The following CSNK2A1 variants were observed in gnomAD, a reference collection of about 807,000 sequenced individuals.
The protein encoded by CSNK2A1 is casein kinase 2 alpha 1.
Under a neutral mutation model 62.9 loss-of-function variants are expected in CSNK2A1, and 10 were observed. The observed-to-expected ratio is 0.16, with a 90% CI of 0.10 to 0.27. The LOEUF (loss-of-function observed/expected upper bound fraction) is 0.27. CSNK2A1 is among the 10% of genes least tolerant of loss of function. CSNK2A1 has a pLI of 1.00. For synonymous variants in CSNK2A1, 124 were observed against 167.8 expected, an observed-to-expected ratio of 0.74 and a Z score of 2.02; for missense variants, 160 against 492.0, an observed-to-expected ratio of 0.33 and a Z score of 6.38.
chr20:504,110 C>T (rs189975), intron 4 of CSNK2A1: 48,224 of 152,544 alleles, frequency 0.32, 8,254 homozygotes, highest in East Asian at 0.67. Flanking sequence ...ACCCAGGAGG[C>T]GGAGGTTGCA....
chr20:527,019 G>GAGAC (rs1568559268), intron 2 of CSNK2A1: 18 of 150,166 alleles, frequency 1.2e-4, no homozygotes, highest in African/African-American at 4.4e-4. Flanking sequence ...GAGAGAGAGA[G>GAGAC]AGAGAGAGAG....
At chr20:524,941 A>G (rs1021764757) in intron 2 of CSNK2A1, among the ~76,000 whole-genome samples, 1 of 149,360 alleles carries the variant, frequency 6.7e-6, no homozygotes, top group African/African-American at 2.5e-5. Context: ...CAGCAAGACT[A>G]CCATCTCTAC....
intron 3 of CSNK2A1, chr20:506,625 CCTA>C (rs1166823463): frequency 6.6e-6 from 1 of 152,100 alleles, no homozygotes; most frequent in Non-Finnish European, 1.5e-5. Flanking sequence ...ATCCTCTGGA[CCTA>C]CTAAGTATCC....
Position 487,420 on chromosome 20 carries a change from G to C in CSNK2A1, c.973+7C>G, listed in dbSNP as rs371306731. On this transcript the variant is annotated splice_region_variant and intron_variant, in intron 12 of 13. Coordinates refer to ENST00000217244, the MANE Select transcript of CSNK2A1 (RefSeq NM_177559.3). ...ACAAACTCTGTGGGCTAGATATCTGGACTCACAGAAATAGGGGTGCTCCAT... is the reference window on the plus strand; with the variant it reads ...ACAAACTCTGTGGGCTAGATATCTGCACTCACAGAAATAGGGGTGCTCCAT... 7 of 1,613,374 alleles carry C rather than the reference G, an allele frequency of 4.3e-6. No homozygotes were observed. In the African/African-American group the frequency reaches 9.3e-5, roughly 22 times the overall value.
chr20:484,841 C>G (rs150679386), intron 13 of CSNK2A1, among the ~76,000 whole-genome samples: 1 of 151,110 alleles, frequency 6.6e-6, no homozygotes. Flanking sequence ...CCAAGTTGGG[C>G]GGATCACCTG....
At position 480,163 on chromosome 20, in the gene CSNK2A1, T is replaced by C. The variant is rs940565556; in HGVS notation, c.*3798A>G. On this transcript the variant is annotated 3_prime_UTR_variant, in exon 14 of 14. Transcript: ENST00000217244. ...CAGTCTGGCCTGTGGCTTGTAATTA[T>C]AGCTGCAAACTCAAGGGCAAAGTTC... The C allele has an allele frequency of 1.3e-5, 2 of 152,180 alleles. No homozygotes were observed. The allele number at this position is 152,180 out of a possible 1,614,324, so 9.4% of individuals were successfully genotyped here. A position where few individuals can be genotyped will look rare whatever the true frequency, so the allele number is the denominator to read the frequency against.
At chr20:494,130 C>CA (rs1252831869) in intron 8 of CSNK2A1, 3 of 151,474 alleles carry the variant, frequency 2.0e-5, no homozygotes, top group African/African-American at 7.3e-5. Context: ...GGGGTTCAAG[C>CA]AATTCTCCTG....
At chr20:537,725 A>G (rs2019365267) in intron 1 of CSNK2A1, among the ~76,000 whole-genome samples, 1 of 152,206 alleles carries the variant, frequency 6.6e-6, no homozygotes, top group Non-Finnish European at 1.5e-5. Flanking sequence ...CAGGTATAAG[A>G]ACACATTAAT....
chr20:485,227 A>G (rs1600367609), intron 13 of CSNK2A1, among the ~76,000 whole-genome samples: 1 of 147,458 alleles, frequency 6.8e-6, no homozygotes, highest in South Asian at 2.2e-4. Flanking sequence ...ACTCTCACCC[A>G]GGCTGGAGGG....
At chr20:503,394 C>CTAGT (rs2018509696) in intron 4 of CSNK2A1, 1 of 398,138 alleles carries the variant, frequency 2.5e-6, no homozygotes, top group Non-Finnish European at 4.4e-6. Flanking sequence ...GATTTCCAAC[C>CTAGT]TAGTTCTCTT....
At chr20:516,028 G>GA (rs1013882892) in intron 2 of CSNK2A1, among the ~76,000 whole-genome samples, 2 of 152,092 alleles carry the variant, frequency 1.3e-5, no homozygotes, top group Non-Finnish European at 2.9e-5. Context: ...GAATACTGAA[G>GA]AAACTTGATT....
At position 476,136 on chromosome 20, in the gene CSNK2A1, A is replaced by C. The variant is rs1047535939; in HGVS notation, c.*7825T>G. 4 of 152,454 alleles carry C rather than the reference A, an allele frequency of 2.6e-5. No homozygotes were observed. The highest frequency in any genetic ancestry group is 1.3e-4 in the Admixed American group (2 of 15,294). 9.4% of individuals were successfully genotyped at this position (152,454 alleles called of 1,614,324 possible). On this transcript the variant is annotated 3_prime_UTR_variant, in exon 14 of 14. Transcript: ENST00000217244. ...AGGAGACAGGGTTCTGATCCCAGGC[A>C]TGGGCCTTGGCAGCTGAAACTTGTT...
chr20:499,221 C>T lies in CSNK2A1; in HGVS notation c.366+34G>A, dbSNP rs2018407912. ...CCCAAAGGCTATGTGGTCTAAAAACCCACTAGCCCGAAACAGTTGGTTATA... is the reference window on the plus strand; with the variant it reads ...CCCAAAGGCTATGTGGTCTAAAAACTCACTAGCCCGAAACAGTTGGTTATA... On this transcript the variant is annotated intron_variant, in intron 6 of 13. Coordinates refer to ENST00000217244, the MANE Select transcript of CSNK2A1 (RefSeq NM_177559.3). This position sits in a 1 kb window ranked among gnomAD's most constrained non-coding sequence, Gnocchi z 4.2. 1 of 1,552,340 alleles carries T rather than the reference C, an allele frequency of 6.4e-7. No homozygotes were observed. Among genetic ancestry groups the T allele is most frequent in the Non-Finnish European group, 8.7e-7 (1 of 1,147,142 alleles).
Position 481,617 on chromosome 20 carries a change from T to C in CSNK2A1, c.*2344A>G, listed in dbSNP as rs1000058052. The C allele has an allele frequency of 3.3e-5, 5 of 151,916 alleles. No individual in the cohort carries two copies. Among genetic ancestry groups the C allele is most frequent in the Non-Finnish European group, 7.4e-5 (5 of 67,992 alleles). The allele number at this position is 151,916 out of a possible 1,614,324, so 9.4% of individuals were successfully genotyped here. A position where few individuals can be genotyped will look rare whatever the true frequency, so the allele number is the denominator to read the frequency against. ...TCTTGGGTGGCACCTCAGAGTCCTC[T>C]GCATTCACCTTCGGTTTATTCCAAG... is the stretch of plus-strand genomic sequence containing the variant. On this transcript the variant is annotated 3_prime_UTR_variant, in exon 14 of 14. Coordinates refer to ENST00000217244, the MANE Select transcript of CSNK2A1 (RefSeq NM_177559.3).
Position 499,663 on chromosome 20 carries a change from G to T in CSNK2A1, c.315+170C>A. 1 of 643,204 alleles carries T rather than the reference G, an allele frequency of 1.6e-6. No homozygotes were observed. The highest frequency in any genetic ancestry group is 2.8e-6 in the Non-Finnish European group (1 of 362,400). The allele number at this position is 643,204 out of a possible 1,614,324, so 39.8% of individuals were successfully genotyped here. ...AATAAGAAATAGTCTGTGGGTGGAG[G>T]TCTCTTTGAAAGAAAGACCCAAGCT... On this transcript the variant is annotated intron_variant, in intron 5 of 13. Coordinates refer to ENST00000217244, the MANE Select transcript of CSNK2A1 (RefSeq NM_177559.3). The surrounding 1 kb of genome is among the most constrained non-coding windows in gnomAD (Gnocchi z 4.2).
intron 2 of CSNK2A1, among the ~76,000 whole-genome samples, chr20:513,151 C>T (rs2018759106): frequency 6.6e-6 from 1 of 152,376 alleles, no homozygotes; most frequent in East Asian, 1.9e-4. Context: ...AGCCTCTCCT[C>T]TGACAGGAAA....
In CSNK2A1 at chr20:499,203, G is replaced by A; in HGVS notation, c.366+52C>T. The A allele has an allele frequency of 6.9e-7, 1 of 1,456,092 alleles. No individual in the cohort carries two copies. Among genetic ancestry groups the A allele is most frequent in the South Asian group, 1.4e-5 (1 of 72,854 alleles). The allele number at this position is 1,456,092 out of a possible 1,614,324, so 90.2% of individuals were successfully genotyped here. The stretch of plus-strand genomic sequence containing the variant: ...TCTTCTAACAGCATCATCCCCAAAG[G>A]CTATGTGGTCTAAAAACCCACTAGC... On this transcript the variant is annotated intron_variant, in intron 6 of 13. Coordinates refer to ENST00000217244, the MANE Select transcript of CSNK2A1 (RefSeq NM_177559.3). This position sits in a 1 kb window ranked among gnomAD's most constrained non-coding sequence, Gnocchi z 4.2.
intron 4 of CSNK2A1, chr20:503,807 T>C: frequency 5.0e-6 from 2 of 397,558 alleles, no homozygotes; most frequent in Non-Finnish European, 8.9e-6. Context: ...AAATTATAGT[T>C]ATATAAGAAC....
Position 475,561 on chromosome 20 carries a change from A to T in CSNK2A1, c.*8400T>A, listed in dbSNP as rs2017832998. ...CCTTCTGTTCCTACTGATATATATG[A>T]ATAGTATGGCTGATTGCATTATTGG... On this transcript the variant is annotated 3_prime_UTR_variant, in exon 14 of 14. Coordinates refer to ENST00000217244, the MANE Select transcript of CSNK2A1 (RefSeq NM_177559.3). 1 of 152,106 alleles carries T rather than the reference A, an allele frequency of 6.6e-6. No homozygotes were observed. The highest frequency in any genetic ancestry group is 2.1e-4 in the South Asian group (1 of 4,826). The allele number at this position is 152,106 out of a possible 1,614,324, so 9.4% of individuals were successfully genotyped here. A position where few individuals can be genotyped will look rare whatever the true frequency, so the allele number is the denominator to read the frequency against.
Sources: allele counts gnomAD v4.1 joint callset (sites outside exome capture counted in the v4.1 genomes callset), GRCh38; gene constraint gnomAD v4.1.1; non-coding constraint Gnocchi (gnomAD v3.1); transcripts MANE v1.5; gene names NCBI Gene and HGNC (gene_info 2026-07-23, HGNC 2026-07-21).